Variants in RIPK4 observed in about 807,000 individuals in gnomAD.
RIPK4 encodes receptor-interacting serine/threonine-protein kinase 4.
In RIPK4, 17 loss-of-function variants were observed where a neutral mutation model predicts 42.9. The ratio of observed to expected loss-of-function variants is 0.40; its 90% CI spans 0.27 to 0.59. The LOEUF is 0.59. RIPK4 is among the 20% of genes least tolerant of loss of function. RIPK4 has a pLI of 0.47. For synonymous variants in RIPK4, 498 were observed against 499.1 expected (o/e 1.00, Z 0.03); for missense variants, 897 against 1,104.4 (o/e 0.81, Z 2.66).
chr21:41,756,410 A>C, intron 2 of RIPK4, 115 bp downstream of exon 2: 2 of 1,307,696 alleles, frequency 1.5e-6, no homozygotes, highest in Non-Finnish European at 2.1e-6. Flanking sequence ...CTCCAAGAAG[A>C]ACCACCTCCT....
intron 1 of RIPK4, among the ~76,000 whole-genome samples, chr21:41,759,027 G>A (rs1286642270): frequency 6.6e-6 from 1 of 152,230 alleles, no homozygotes; most frequent in Non-Finnish European, 1.5e-5. Context: ...CAGGAAGCTG[G>A]CTGGAATGCT....
chr21:41,760,009 C>T (rs2061216078), intron 1 of RIPK4, among the ~76,000 whole-genome samples: 1 of 152,190 alleles, frequency 6.6e-6, no homozygotes, highest in Non-Finnish European at 1.5e-5. Flanking sequence ...GCAACTTCAC[C>T]CCCCAAGAAA....
chr21:41,753,602 C>A (rs780388756), intron 2 of RIPK4, among the ~76,000 whole-genome samples: 4 of 152,198 alleles, frequency 2.6e-5, no homozygotes, highest in African/African-American at 9.7e-5. Context: ...CAGCGAGCTA[C>A]TGTGGCATCC....
rs541331635 is a variant in RIPK4 at position 41,751,424 on chromosome 21, C to G, written c.475-179G>C. Among the ~76,000 whole-genome samples the G allele has an allele frequency of 6.6e-6, 1 of 152,256 alleles. No homozygotes were observed. The highest frequency in any genetic ancestry group is 1.5e-5 in the Non-Finnish European group (1 of 68,042). On this transcript the variant is annotated intron_variant, in intron 2 of 7. Transcript: ENST00000332512. This position sits in a 1 kb window ranked among gnomAD's most constrained non-coding sequence, Gnocchi z 4.5. ...CCCCAGGCAGGGAGGGAGACAGATT[C>G]TGGGGCAGAAGCAAGCCTGGAGGCA...
chr21:41,753,827 C>T (rs2061195437), intron 2 of RIPK4, among the ~76,000 whole-genome samples: 1 of 152,142 alleles, frequency 6.6e-6, no homozygotes, highest in Non-Finnish European at 1.5e-5. Context: ...CTTTGAAAAG[C>T]GTCTGTTTTG....
intron 1 of RIPK4, among the ~76,000 whole-genome samples, chr21:41,764,544 C>A (rs542602200): frequency 6.6e-6 from 1 of 152,042 alleles, no homozygotes; most frequent in African/African-American, 2.4e-5. Context: ...GAATCCTATG[C>A]CCCAATTCAG....
chr21:41,746,531 T>G (rs1208826858), intron 5 of RIPK4, 82 bp downstream of exon 5: 1 of 1,523,186 alleles, frequency 6.6e-7, no homozygotes, highest in East Asian at 2.3e-5. Flanking sequence ...CACCCAGGCC[T>G]GGTCCCTCAC....
intron 1 of RIPK4, among the ~76,000 whole-genome samples, chr21:41,766,603 C>T (rs2061237526): frequency 6.6e-6 from 1 of 152,128 alleles, no homozygotes. Flanking sequence ...CCCAGAGGAG[C>T]CCCAGAGGAG....
At chr21:41,750,557 G>A (rs546746331) in intron 3 of RIPK4, among the ~76,000 whole-genome samples, 1 of 152,266 alleles carries the variant, frequency 6.6e-6, no homozygotes. Flanking sequence ...GACAGGGCAG[G>A]GCTGTCAGCC....
chr21:41,744,711 AG>A (rs1310268155), intron 6 of RIPK4, among the ~76,000 whole-genome samples: 1 of 152,180 alleles, frequency 6.6e-6, no homozygotes, highest in African/African-American at 2.4e-5. Context: ...GAGGACAGAC[AG>A]GAACTGGGCA....
At chr21:41,752,549 C>G (rs1408132409) in intron 2 of RIPK4, among the ~76,000 whole-genome samples, 1 of 152,198 alleles carries the variant, frequency 6.6e-6, no homozygotes, top group Non-Finnish European at 1.5e-5. Context: ...TCTCCCAGGG[C>G]CTTCAGGCCT....
chr21:41,759,879 C>T (rs1253391589), intron 1 of RIPK4, among the ~76,000 whole-genome samples: 3 of 152,216 alleles, frequency 2.0e-5, no homozygotes, highest in East Asian at 1.9e-4. Flanking sequence ...TGTGGAAATT[C>T]CCATACATCG....
chr21:41,766,316 T>C (rs904833490), intron 1 of RIPK4, among the ~76,000 whole-genome samples: 1 of 152,202 alleles, frequency 6.6e-6, no homozygotes, highest in Non-Finnish European at 1.5e-5. Flanking sequence ...ATAATTACAG[T>C]CTTACACCAA....
Position 41,766,793 on chromosome 21 carries a change from C to A in RIPK4, c.182+67G>T, listed in dbSNP as rs1346799627. ...GGAGAGAGAGGCAGGACCCCGGGAC[C>A]AGAGCACCCCGACCCCGACCCCAGC... is the stretch of plus-strand genomic sequence containing the variant. On this transcript the variant is annotated intron_variant, in intron 1 of 7. Transcript: ENST00000332512. 10 of 1,504,454 alleles carry A rather than the reference C, an allele frequency of 6.6e-6. No homozygotes were observed. In the East Asian group the frequency reaches 2.5e-4, roughly 37 times the overall value. 93.2% of individuals were successfully genotyped at this position (1,504,454 alleles called of 1,614,324 possible).
rs563084845 is a variant in RIPK4 at position 41,755,193 on chromosome 21, G to A, written c.474+1332C>T. ...GGGGTCCCAGAACATAAGCAGATGC[G>A]GGAAACCACCAGAGAGCCCGTTCAA... On this transcript the variant is annotated intron_variant, in intron 2 of 7. Coordinates refer to ENST00000332512, the MANE Select transcript of RIPK4 (RefSeq NM_020639.3). This position sits in a 1 kb window ranked among gnomAD's most constrained non-coding sequence, Gnocchi z 4.2. Among the ~76,000 whole-genome samples, 27 of 152,250 alleles carry A rather than the reference G, an allele frequency of 1.8e-4. 1 individual carries two copies. The highest frequency in any genetic ancestry group is 4.8e-4 in the African/African-American group (20 of 41,536).
rs978929469 is a variant in RIPK4, at chr21:41,756,427, C to T, written c.474+98G>A. On this transcript the variant is annotated intron_variant, in intron 2 of 7. Transcript: ENST00000332512. ...CCAAGAAGAACCACCTCCTCTTCTG[C>T]CCTTGTCCTGACCTCAGGGCTTGAC... 1.5e-5 allele frequency: 21 copies of T among 1,432,342 alleles called. No homozygotes were observed. The South Asian group carries it at 2.8e-4, about 19-fold the overall frequency. The allele number at this position is 1,432,342 out of a possible 1,614,324, so 88.7% of individuals were successfully genotyped here. A position where few individuals can be genotyped will look rare whatever the true frequency, so the allele number is the denominator to read the frequency against.
At position 41,739,597 on chromosome 21, in the gene RIPK4, G is replaced by A. The variant is rs955251536; in HGVS notation, c.*1241C>T. On this transcript the variant is annotated 3_prime_UTR_variant, in exon 8 of 8. Coordinates refer to ENST00000332512, the MANE Select transcript of RIPK4 (RefSeq NM_020639.3). The stretch of plus-strand genomic sequence containing the variant: ...TATCATATACCAGGCCACGGTACAT[G>A]TTTGCACGCAGGGTCACGTTCTGCA... 4 of 152,196 alleles carry A rather than the reference G, an allele frequency of 2.6e-5. No individual in the cohort carries two copies. Among genetic ancestry groups the A allele is most frequent in the African/African-American group, 9.7e-5 (4 of 41,430 alleles). The allele number at this position is 152,196 out of a possible 1,614,324, so 9.4% of individuals were successfully genotyped here. A position where few individuals can be genotyped will look rare whatever the true frequency, so the allele number is the denominator to read the frequency against.
At chr21:41,756,203 C>A (rs1156572103) in intron 2 of RIPK4, among the ~76,000 whole-genome samples, 3 of 152,182 alleles carry the variant, frequency 2.0e-5, no homozygotes, top group Non-Finnish European at 4.4e-5. Flanking sequence ...TGAATTCTAA[C>A]CTGATTTCAT....
intron 1 of RIPK4, among the ~76,000 whole-genome samples, chr21:41,763,847 G>A (rs930013781): frequency 2.6e-5 from 4 of 152,214 alleles, no homozygotes; most frequent in Non-Finnish European, 5.9e-5. Flanking sequence ...GCAGGCACTG[G>A]CTTCTTCTGA....
Sources: gnomAD v4.1 joint callset for allele counts (sites outside exome capture counted in the v4.1 genomes callset) on GRCh38, gnomAD v4.1.1 for gene constraint, Gnocchi (gnomAD v3.1) non-coding constraint, MANE v1.5 for transcripts, NCBI Gene and HGNC (gene_info 2026-07-23, HGNC 2026-07-21) for gene names.